The following POF1B variants were observed in gnomAD, a reference collection of about 807,000 sequenced individuals.
The protein encoded by POF1B is POF1B actin binding protein.
POF1B carries 53 observed loss-of-function variants against 55.3 expected under a neutral mutation model. That is an observed-to-expected ratio of 0.96 (90% CI 0.77 to 1.20). POF1B has a LOEUF of 1.20. Among genes scored for constraint, POF1B ranks in the 50% most tolerant of loss-of-function variants. The probability of loss-of-function intolerance (pLI) is 0.00; values close to 1 mark genes in which losing one functional copy is unlikely to be tolerated. For missense variants in POF1B, 478 were observed against 420.5 expected, an observed-to-expected ratio of 1.14 and a Z score of -1.20; for synonymous variants, 188 against 148.3, an observed-to-expected ratio of 1.27 and a Z score of -1.95.
chrX:85,293,431 T>C (rs1932237740), intron 15 of POF1B, among the ~76,000 whole-genome samples: 1 of 111,588 alleles, frequency 9.0e-6, no homozygotes, highest in Non-Finnish European at 1.9e-5. Flanking sequence ...GAAAATCAAA[T>C]ACTGCATGTT....
At chrX:85,299,117 G>A (rs1283000798) in intron 15 of POF1B, among the ~76,000 whole-genome samples, 2 of 110,626 alleles carry the variant, frequency 1.8e-5, no homozygotes, top group Admixed American at 1.9e-4. Context: ...AAGATTTGTG[G>A]CATTTGAAAT....
chrX:85,351,567 G>T, intron 4 of POF1B, 116 bp from the exon 5 acceptor site: 1 of 477,032 alleles, frequency 2.1e-6, no homozygotes, highest in Non-Finnish European at 3.6e-6. Flanking sequence ...ACCTTAGGAA[G>T]AGAGAGGAAT....
In POF1B at chrX:85,277,872, G is replaced by A. The variant is rs886972603; in HGVS notation, c.*1549C>T. The A allele has an allele frequency of 9.0e-6, 1 of 110,887 alleles. No individual in the cohort carries two copies. The highest frequency in any genetic ancestry group is 3.3e-5 in the African/African-American group (1 of 30,594). 9.1% of individuals were successfully genotyped at this position (110,887 alleles called of 1,213,427 possible). On this transcript the variant is annotated 3_prime_UTR_variant, in exon 17 of 17. Coordinates refer to ENST00000262753, the MANE Select transcript of POF1B (RefSeq NM_024921.4). The stretch of plus-strand genomic sequence containing the variant: ...AACTTCCCCTTATATTATTTGTAAT[G>A]TGTGCATAACATAGTACACTTTTGT...
chrX:85,360,538 TATATATATATATATATATATAC>T (rs1261482422), intron 3 of POF1B, among the ~76,000 whole-genome samples: 1 of 83,270 alleles, frequency 1.2e-5, no homozygotes, highest in Non-Finnish European at 2.0e-5. Flanking sequence ...TATATATATA[TATATATATATATATATATATAC>T]ATATATACAC....
chrX:85,286,760 A>G (rs1932064089), intron 15 of POF1B, among the ~76,000 whole-genome samples: 1 of 111,382 alleles, frequency 9.0e-6, no homozygotes, highest in Non-Finnish European at 1.9e-5. Context: ...GCAGTCCTAA[A>G]TGTTCATTTA....
At chrX:85,361,990 A>C (rs112909107) in intron 3 of POF1B, among the ~76,000 whole-genome samples, 2 of 84,865 alleles carry the variant, frequency 2.4e-5, no homozygotes, top group African/African-American at 4.6e-5. Context: ...GTGTGTGTGT[A>C]TGTGTGTGTG....
At chrX:85,332,263 C>A (rs1932992361) in intron 6 of POF1B, among the ~76,000 whole-genome samples, 1 of 111,329 alleles carries the variant, frequency 9.0e-6, no homozygotes, top group South Asian at 3.7e-4. Flanking sequence ...TATTTAAAGC[C>A]AATATTTAGT....
chrX:85,355,315 G>T (rs1195909385), intron 4 of POF1B, among the ~76,000 whole-genome samples: 1 of 111,739 alleles, frequency 8.9e-6, no homozygotes. Context: ...ATTCAAGAAG[G>T]ATTAAAGACT....
chrX:85,335,088 G>C (rs1235237317), intron 6 of POF1B, among the ~76,000 whole-genome samples: 2 of 111,180 alleles, frequency 1.8e-5, no homozygotes, highest in Non-Finnish European at 3.8e-5. Flanking sequence ...ATTCCTACTA[G>C]GTAACTGGCT....
At chrX:85,281,730 A>T (rs866276542) in intron 16 of POF1B, among the ~76,000 whole-genome samples, 13 of 106,103 alleles carry the variant, frequency 1.2e-4, no homozygotes, top group African/African-American at 3.8e-4. Context: ...TAATATATAT[A>T]ATATATATAT....
intron 9 of POF1B, among the ~76,000 whole-genome samples, chrX:85,311,752 A>G (rs1250103558): frequency 8.9e-6 from 1 of 112,090 alleles, no homozygotes; most frequent in Non-Finnish European, 1.9e-5. Context: ...TAGATCCTTG[A>G]GGAAGCGCCA....
chrX:85,311,073 A>G (rs191200241), intron 9 of POF1B, among the ~76,000 whole-genome samples: 1 of 111,871 alleles, frequency 8.9e-6, no homozygotes, highest in Admixed American at 9.5e-5. Flanking sequence ...CCTACCCTTA[A>G]AGAATAGCTA....
intron 15 of POF1B, among the ~76,000 whole-genome samples, chrX:85,300,304 G>T (rs931287585): frequency 3.6e-5 from 4 of 111,620 alleles, no homozygotes; most frequent in Non-Finnish European, 7.5e-5. Context: ...AGGAACTGGG[G>T]GCTAAGGACG....
At chrX:85,328,156 A>G (rs1446749379) in intron 7 of POF1B, among the ~76,000 whole-genome samples, 1 of 107,762 alleles carries the variant, frequency 9.3e-6, no homozygotes, top group East Asian at 3.0e-4. Flanking sequence ...CACTCCCTGT[A>G]TACAATATCT....
chrX:85,326,664 C>A (rs1932901066), intron 7 of POF1B, among the ~76,000 whole-genome samples: 2 of 109,942 alleles, frequency 1.8e-5, no homozygotes, highest in Admixed American at 9.7e-5. Flanking sequence ...TCTGCACACA[C>A]GCACTGTCAA....
At chrX:85,377,295 GAAAAT>G (rs781168432) in intron 2 of POF1B, among the ~76,000 whole-genome samples, 46 of 111,265 alleles carry the variant, frequency 4.1e-4, no homozygotes, top group Non-Finnish European at 6.6e-4. Flanking sequence ...AGGGAGAAAG[GAAAAT>G]AAAATAGAAG....
chrX:85,333,792 A>G (rs1933017979), intron 6 of POF1B, among the ~76,000 whole-genome samples: 2 of 110,883 alleles, frequency 1.8e-5, no homozygotes, highest in Non-Finnish European at 3.8e-5. Context: ...TGTCCATCAG[A>G]TTCTCAGTGA....
At position 85,307,262 on chromosome X, in the gene POF1B, G is replaced by A. The variant is rs1260835987; in HGVS notation, c.1065C>T (p.Asp355=). The change falls in exon 11 of 17, where the codon GAC becomes GAT. Residue 355 remains aspartate, a synonymous_variant. Transcript: ENST00000262753. ...LQNDMTSLEN[D]KMRLEKDLSF... ...ATAAATCTTTCTCAAGTCTCATCTTGTCATTTTCCAGTGACTAGAAGCATA... is the reference window on the plus strand; with the variant it reads ...ATAAATCTTTCTCAAGTCTCATCTTATCATTTTCCAGTGACTAGAAGCATA... 3.4e-6 allele frequency: 4 copies of A among 1,188,404 alleles called. No homozygotes were observed. Among genetic ancestry groups the A allele is most frequent in the Non-Finnish European group, 4.5e-6 (4 of 879,725 alleles).
At chrX:85,358,552 A>G (rs1168040038) in intron 4 of POF1B, among the ~76,000 whole-genome samples, 6 of 111,572 alleles carry the variant, frequency 5.4e-5, no homozygotes, top group Non-Finnish European at 1.1e-4. Context: ...TCTGGATCAA[A>G]TGTTAACCAG....
Sources: allele counts gnomAD v4.1 joint callset (sites outside exome capture counted in the v4.1 genomes callset), GRCh38; gene constraint gnomAD v4.1.1; transcripts MANE v1.5; gene names NCBI Gene and HGNC (gene_info 2026-07-23, HGNC 2026-07-21).